The following TRIO variants were observed in gnomAD, a reference collection of about 807,000 sequenced individuals.
The protein encoded by TRIO is trio Rho guanine nucleotide exchange factor, also known as triple functional domain protein.
Under a neutral mutation model 351.9 loss-of-function variants are expected in TRIO, and 58 were observed. That is an observed-to-expected ratio of 0.16 (90% CI 0.13 to 0.21). The LOEUF (loss-of-function observed/expected upper bound fraction) is 0.21, where lower values mean the gene tolerates loss of function less well. Ranked by LOEUF, TRIO falls within the 10% of genes least tolerant of loss-of-function variation. TRIO has a pLI of 1.00. For missense variants in TRIO, 3,201 were observed against 4,027.8 expected (o/e 0.79, Z 5.56); for synonymous variants, 1,758 against 1,595.7 (o/e 1.10, Z -2.42).
intron 1 of TRIO, among the ~76,000 whole-genome samples, chr5:14,149,712 T>TCTA (rs2152114739): frequency 6.6e-6 from 1 of 152,322 alleles, no homozygotes; most frequent in African/African-American, 2.4e-5. Flanking sequence ...TAGCCACATG[T>TCTA]CTACTCTTGT....
At chr5:14,363,955 G>A (rs773319189) in intron 14 of TRIO, 28 bp downstream of exon 14, 22 of 1,583,150 alleles carry the variant, frequency 1.4e-5, no homozygotes, top group Middle Eastern at 1.7e-4. Context: ...ATCTGTGTCC[G>A]TTGTGATTTC....
rs189929080 is a variant in TRIO at position 14,314,865 on chromosome 5, A to G, written c.1501-1648A>G. On this transcript the variant is annotated intron_variant, in intron 8 of 56. Coordinates refer to ENST00000344204, the MANE Select transcript of TRIO (RefSeq NM_007118.4). Reference sequence around the variant, plus strand: ...ATTTTCCATTTTTGTTTTAACTGACACTAATTCAGCAGTTAACTTGGTTGG... The same window carrying G: ...ATTTTCCATTTTTGTTTTAACTGACGCTAATTCAGCAGTTAACTTGGTTGG... 3.9e-3 allele frequency among the ~76,000 whole-genome samples: 587 copies of G among 152,314 alleles called. 3 individuals are homozygous for G. The highest frequency in any genetic ancestry group is 4.5e-3 in the Non-Finnish European group (303 of 68,024).
At chr5:14,453,897 A>C (rs148078332) in intron 34 of TRIO, among the ~76,000 whole-genome samples, 2 of 152,152 alleles carry the variant, frequency 1.3e-5, no homozygotes, top group Non-Finnish European at 2.9e-5. Context: ...AGTTGAGGGA[A>C]AGGCAAGAGA....
chr5:14,361,176 G>GA lies in TRIO; in HGVS notation c.2391+1655dup, dbSNP rs374597102. Among the ~76,000 whole-genome samples, 23 of 146,992 alleles carry GA rather than the reference G, an allele frequency of 1.6e-4. No individual in the cohort carries two copies. In the South Asian group the frequency reaches 1.7e-3, roughly 11 times the overall value. On this transcript the variant is annotated intron_variant, in intron 13 of 56. Coordinates refer to ENST00000344204, the MANE Select transcript of TRIO (RefSeq NM_007118.4). ...TTTCTTCCAGGACATTTTGATACTT[G>GA]AAAAAAAAAATCGATTCGTTTATCT...
intron 11 of TRIO, among the ~76,000 whole-genome samples, chr5:14,341,513 A>G (rs1561363736): frequency 6.6e-6 from 1 of 152,218 alleles, no homozygotes; most frequent in Non-Finnish European, 1.5e-5. Flanking sequence ...GCAGATACTC[A>G]GTGAAAGCCT....
chr5:14,295,771 G>A (rs1212134334), intron 6 of TRIO, among the ~76,000 whole-genome samples: 4 of 152,164 alleles, frequency 2.6e-5, no homozygotes, highest in Non-Finnish European at 2.9e-5. Flanking sequence ...AATGCCACAC[G>A]AGCCAGAGAG....
intron 1 of TRIO, among the ~76,000 whole-genome samples, chr5:14,185,705 A>T (rs902221332): frequency 6.6e-6 from 1 of 152,238 alleles, no homozygotes; most frequent in Non-Finnish European, 1.5e-5. Flanking sequence ...GTGGTGGGTG[A>T]GTGACATTCA....
chr5:14,159,094 T>G (rs1418488737), intron 1 of TRIO, among the ~76,000 whole-genome samples: 1 of 152,174 alleles, frequency 6.6e-6, no homozygotes, highest in East Asian at 1.9e-4. Flanking sequence ...GGAATCCGCC[T>G]GTGCTGGTGT....
At chr5:14,224,697 T>C (rs1792868358) in intron 1 of TRIO, among the ~76,000 whole-genome samples, 1 of 152,146 alleles carries the variant, frequency 6.6e-6, no homozygotes, top group South Asian at 2.1e-4. Context: ...TATAGTTCAG[T>C]TGCCAGAAAT....
At chr5:14,171,469 A>G (rs1789093355) in intron 1 of TRIO, among the ~76,000 whole-genome samples, 1 of 152,206 alleles carries the variant, frequency 6.6e-6, no homozygotes, top group Admixed American at 6.5e-5. Context: ...TGTAGACCAT[A>G]AGCTGATGAG....
At chr5:14,247,047 C>T (rs1165943043) in intron 1 of TRIO, among the ~76,000 whole-genome samples, 1 of 152,218 alleles carries the variant, frequency 6.6e-6, no homozygotes, top group Non-Finnish European at 1.5e-5. Context: ...GGTAGCAGGC[C>T]ACCGCTGTCT....
chr5:14,264,558 GA>G (rs913757094), intron 1 of TRIO, among the ~76,000 whole-genome samples: 5 of 151,158 alleles, frequency 3.3e-5, no homozygotes, highest in African/African-American at 1.2e-4. Context: ...ATTATGTTTT[GA>G]TTTTTTTTTT....
intron 20 of TRIO, among the ~76,000 whole-genome samples, chr5:14,379,927 T>G (rs1745918637): frequency 6.6e-6 from 1 of 152,214 alleles, no homozygotes; most frequent in African/African-American, 2.4e-5. Flanking sequence ...CTTGCTGATC[T>G]TGCCTTGGCG....
intron 53 of TRIO, among the ~76,000 whole-genome samples, chr5:14,500,150 C>G (rs754541673): frequency 6.6e-6 from 1 of 152,106 alleles, no homozygotes; most frequent in African/African-American, 2.4e-5. Flanking sequence ...CAGCTGCACC[C>G]CTAAAGGTCT....
At chr5:14,240,329 G>C (rs1025634505) in intron 1 of TRIO, among the ~76,000 whole-genome samples, 1 of 152,118 alleles carries the variant, frequency 6.6e-6, no homozygotes, top group African/African-American at 2.4e-5. Context: ...CAAATCATGA[G>C]CTTCTCAGTG....
chr5:14,304,817 C>G (rs1392362689), intron 8 of TRIO, among the ~76,000 whole-genome samples: 1 of 152,110 alleles, frequency 6.6e-6, no homozygotes, highest in Admixed American at 6.5e-5. Context: ...TCCGATAGAG[C>G]GCTTATATGC....
At position 14,504,251 on chromosome 5, in the gene TRIO, C is replaced by A. The variant is rs1488399593; in HGVS notation, c.8412-142C>A. 10 of 860,802 alleles carry A rather than the reference C, an allele frequency of 1.2e-5. No individual in the cohort carries two copies. In the East Asian group the frequency reaches 1.6e-4, roughly 14 times the overall value. 53.3% of individuals were successfully genotyped at this position (860,802 alleles called of 1,614,324 possible). A position where few individuals can be genotyped will look rare whatever the true frequency, so the allele number is the denominator to read the frequency against. ...TTGGGGGACAGCCATGGCACCACAG[C>A]CCCTCCGTGGAGTGGCCGGGAGAGC... On this transcript the variant is annotated intron_variant, in intron 54 of 56. Transcript: ENST00000344204.
At chr5:14,179,124 T>C (rs1330043244) in intron 1 of TRIO, among the ~76,000 whole-genome samples, 3 of 152,140 alleles carry the variant, frequency 2.0e-5, no homozygotes, top group African/African-American at 7.2e-5. Flanking sequence ...GTTTTGGTCA[T>C]AGTCCCCTGC....
At chr5:14,280,920 G>A (rs1015819861) in intron 3 of TRIO, among the ~76,000 whole-genome samples, 22 of 152,296 alleles carry the variant, frequency 1.4e-4, no homozygotes, top group African/African-American at 4.6e-4. Context: ...TATCAAAATT[G>A]AGACTCCATT....
Sources: gnomAD v4.1 joint callset for allele counts (sites outside exome capture counted in the v4.1 genomes callset) on GRCh38, gnomAD v4.1.1 for gene constraint, MANE v1.5 for transcripts, NCBI Gene and HGNC (gene_info 2026-07-23, HGNC 2026-07-21) for gene names.